BIRC6: variants seen among roughly 807,000 people sequenced by gnomAD.
BIRC6 encodes dual E2 ubiquitin-conjugating enzyme/E3 ubiquitin-protein ligase BIRC6.
A neutral mutation model predicts 503.3 loss-of-function variants in BIRC6; 98 were observed. The observed-to-expected ratio is 0.19, with a 90% CI of 0.17 to 0.23. The LOEUF (loss-of-function observed/expected upper bound fraction) is 0.23. Among genes scored for constraint, BIRC6 ranks in the 10% least tolerant of loss-of-function variants. The pLI, the probability that BIRC6 is intolerant of heterozygous loss-of-function variation, is 1.00. For missense variants in BIRC6, 5,360 were observed against 5,806.0 expected (o/e 0.92, Z 2.50); for synonymous variants, 2,240 against 2,078.7 (o/e 1.08, Z -2.11).
chr2:32,519,050 T>C (rs1163688303), intron 57 of BIRC6, 104 bp downstream of exon 57: 6 of 1,133,448 alleles, frequency 5.3e-6, no homozygotes, highest in African/African-American at 1.5e-5. Context: ...TTGCAACCAT[T>C]GATGACTAGG....
Position 32,531,417 on chromosome 2 carries a change from A to T in BIRC6, c.12157A>T (p.Met4053Leu). The T allele has an allele frequency of 6.2e-7, 1 of 1,613,904 alleles. No individual in the cohort carries two copies. The highest frequency in any genetic ancestry group is 8.5e-7 in the Non-Finnish European group (1 of 1,179,830). The change falls in exon 61 of 74, where the codon ATG becomes TTG. Residue 4053 changes from methionine to leucine, a missense_variant. Transcript: ENST00000421745. ...GGCTCTCACTCCAGGTGATGAATGC[A>T]TGGATGGGATACTGGATGAATCTTT... ...DEALTPGDEC[M>L]DGILDESLLE...
At chr2:32,431,976 A>G (rs1258303205) in intron 12 of BIRC6, among the ~76,000 whole-genome samples, 1 of 152,224 alleles carries the variant, frequency 6.6e-6, no homozygotes, top group African/African-American at 2.4e-5. Context: ...GGTATTTTCA[A>G]TATAAGGGAC....
chr2:32,375,911 C>T (rs1460571033), intron 1 of BIRC6, among the ~76,000 whole-genome samples: 1 of 152,018 alleles, frequency 6.6e-6, no homozygotes, highest in East Asian at 1.9e-4. Flanking sequence ...GATGGCCGGG[C>T]GCAGTGGCTC....
intron 61 of BIRC6, among the ~76,000 whole-genome samples, chr2:32,542,694 A>G (rs1315891391): frequency 1.3e-5 from 2 of 152,252 alleles, no homozygotes; most frequent in Admixed American, 6.5e-5. Flanking sequence ...GAATCTGCAT[A>G]TAGATACTTA....
chr2:32,554,287 G>GAA (rs2058636684), intron 65 of BIRC6, among the ~76,000 whole-genome samples: 1 of 152,114 alleles, frequency 6.6e-6, no homozygotes, highest in Non-Finnish European at 1.5e-5. Flanking sequence ...ATATGGGGAT[G>GAA]AATATTCTTT....
chr2:32,529,778 C>G lies in BIRC6; in HGVS notation c.12048C>G (p.Pro4016=). The change falls in exon 60 of 74, where the codon CCC becomes CCG. Residue 4016 remains proline, a synonymous_variant. Coordinates refer to ENST00000421745, the MANE Select transcript of BIRC6 (RefSeq NM_016252.4). ...VKLGSRVITD[P]SLSKTDSYKR... is the part of the protein sequence containing the mutation. ...TGGGATCAAGAGTTATAACAGACCC[C>G]AGTCTATCAAAAACAGATTCTTATA... is the stretch of plus-strand genomic sequence containing the variant. The G allele has an allele frequency of 6.2e-7, 1 of 1,612,982 alleles. No homozygotes were observed. Among genetic ancestry groups the G allele is most frequent in the Non-Finnish European group, 8.5e-7 (1 of 1,179,436 alleles).
chr2:32,545,581 T>C (rs888135065), intron 62 of BIRC6, 62 bp from the exon 63 acceptor site: 66 of 1,361,388 alleles, frequency 4.8e-5, no homozygotes, highest in Non-Finnish European at 6.6e-5. Context: ...TGACCCTGTA[T>C]GTAACTTCTT....
At position 32,549,298 on chromosome 2, in the gene BIRC6, T is replaced by G; in HGVS notation, c.12976-15T>G. The G allele has an allele frequency of 7.0e-7, 1 of 1,423,750 alleles. No homozygotes were observed. The highest frequency in any genetic ancestry group is 2.0e-4 in the Middle Eastern group (1 of 5,114). The allele number at this position is 1,423,750 out of a possible 1,614,324, so 88.2% of individuals were successfully genotyped here. ...ATGTGAAACTGAAATCCAAATTAAT[T>G]TCAACAATTTTTAGGTTCTTGCCAG... On this transcript the variant is annotated splice_polypyrimidine_tract_variant and intron_variant, in intron 64 of 73. Coordinates refer to ENST00000421745, the MANE Select transcript of BIRC6 (RefSeq NM_016252.4).
rs1039993839 is a variant in BIRC6 at position 32,391,181 on chromosome 2, T to C, written c.840-858T>C. The stretch of plus-strand genomic sequence containing the variant: ...TCAGTGCAAGCTGTGGTAAATGTTA[T>C]ATTTTAGGAAATGCAGCCATTAGAT... On this transcript the variant is annotated intron_variant, in intron 4 of 73. Coordinates refer to ENST00000421745, the MANE Select transcript of BIRC6 (RefSeq NM_016252.4). Among the ~76,000 whole-genome samples the C allele has an allele frequency of 2.0e-5, 3 of 152,258 alleles. No homozygotes were observed. The East Asian group carries it at 5.8e-4, about 29-fold the overall frequency.
chr2:32,451,067 C>A (rs1054403650), intron 22 of BIRC6, among the ~76,000 whole-genome samples: 1 of 152,156 alleles, frequency 6.6e-6, no homozygotes, highest in Non-Finnish European at 1.5e-5. Context: ...TCATCTTGAA[C>A]CCATACTACA....
intron 2 of BIRC6, 63 bp from the exon 3 acceptor site, chr2:32,380,085 GAATTT>G: frequency 8.8e-7 from 1 of 1,141,604 alleles, no homozygotes; most frequent in East Asian, 2.6e-5. Context: ...AAGAGGATCT[GAATTT>G]AATTTTTTGT....
chr2:32,533,654 A>G (rs1172369966), intron 61 of BIRC6, among the ~76,000 whole-genome samples: 9 of 152,216 alleles, frequency 5.9e-5, no homozygotes, highest in African/African-American at 2.2e-4. Context: ...TTAGGCATGT[A>G]ACTCATGGAT....
chr2:32,454,076 C>T (rs1301120705), intron 23 of BIRC6, 134 bp downstream of exon 23: 1 of 722,970 alleles, frequency 1.4e-6, no homozygotes, highest in Admixed American at 3.5e-5. Context: ...GTGGGAGGGG[C>T]ATTTGGGGGA....
At position 32,607,190 on chromosome 2, in the gene BIRC6, T is replaced by C. The variant is rs2062529824; in HGVS notation, c.14071-265T>C. ...GATTCTTCATATCTATTATTATTAT[T>C]ATCATCTATCTTCATATCTATTATT... On this transcript the variant is annotated intron_variant, in intron 71 of 73. Transcript: ENST00000421745. 1.3e-5 allele frequency among the ~76,000 whole-genome samples: 2 copies of C among 150,440 alleles called. 1 individual carries two copies. The highest frequency in any genetic ancestry group is 4.9e-5 in the African/African-American group (2 of 40,936).
In BIRC6 at chr2:32,500,053, G is replaced by T. The variant is rs2052965364; in HGVS notation, c.8975G>T (p.Ser2992Ile). 3 of 1,613,864 alleles carry T rather than the reference G, an allele frequency of 1.9e-6. No homozygotes were observed. The highest frequency in any genetic ancestry group is 2.5e-6 in the Non-Finnish European group (3 of 1,179,838). Residue 2992 changes from serine (S) to isoleucine (I), a missense_variant, in exon 46 of 74, where the codon AGC (serine) becomes ATC (isoleucine). Physicochemically the swap from Ser to Ile is moderately radical, Grantham distance 142 (BLOSUM62 -2). This residue lies in a region of BIRC6 where 2,299 missense variants were observed against 2,267.2 expected (regional missense o/e 1.01). Coordinates refer to ENST00000421745, the MANE Select transcript of BIRC6 (RefSeq NM_016252.4). Reference protein sequence around the residue: ...DLVLANQQIMSQILSALGLCN... With the variant: ...DLVLANQQIMIQILSALGLCN... ...GTCTTAGCCAACCAACAAATTATGA[G>T]CCAGATTTTGTCTGCTCTGGGCCTG...
In BIRC6 at chr2:32,480,621, C is replaced by CTTTTT. The variant is rs560251664; in HGVS notation, c.7409-666_7409-662dup. On this transcript the variant is annotated intron_variant, in intron 37 of 73. Coordinates refer to ENST00000421745, the MANE Select transcript of BIRC6 (RefSeq NM_016252.4). Reference sequence around the variant, plus strand: ...CATAACAGAAAAATAAGGTAAATGGCTTTTTTTTTTTTTTTTTTTTTTTTT... The same window carrying CTTTTT: ...CATAACAGAAAAATAAGGTAAATGGCTTTTTTTTTTTTTTTTTTTTTTTTTTTTTT... Among the ~76,000 whole-genome samples the CTTTTT allele has an allele frequency of 3.0e-4, 18 of 60,742 alleles. 3 individuals are homozygous for CTTTTT. The highest frequency in any genetic ancestry group is 1.2e-3 in the East Asian group (1 of 816). The allele number at this position is 60,742 out of a possible 152,430, so 39.8% of individuals were successfully genotyped here. A position where few individuals can be genotyped will look rare whatever the true frequency, so the allele number is the denominator to read the frequency against.
In BIRC6 at chr2:32,491,567, A is replaced by C. The variant is rs1180730136; in HGVS notation, c.8340+9A>C. On this transcript the variant is annotated intron_variant, in intron 44 of 73. Coordinates refer to ENST00000421745, the MANE Select transcript of BIRC6 (RefSeq NM_016252.4). ...ATCAACACAGTCCACAGGTAATATG[A>C]TGTTTAGCCTGGCATATGCCCAGAC... is the stretch of plus-strand genomic sequence containing the variant. The C allele has an allele frequency of 3.7e-6, 6 of 1,611,816 alleles. No individual in the cohort carries two copies. Among genetic ancestry groups the C allele is most frequent in the Non-Finnish European group, 4.2e-6 (5 of 1,179,126 alleles).
rs148593445 is a variant in BIRC6 at position 32,601,505 on chromosome 2, C to T, written c.13993-1501C>T. Among the ~76,000 whole-genome samples, 16 of 152,240 alleles carry T rather than the reference C, an allele frequency of 1.1e-4. No individual in the cohort carries two copies. In the East Asian group the frequency reaches 2.7e-3, roughly 26 times the overall value. ...CTGAGGCAGGAGAAGTGCTTGAACC[C>T]GGGAGGCGGAGGTTGCGGTGAGCCC... On this transcript the variant is annotated intron_variant, in intron 70 of 73. Coordinates refer to ENST00000421745, the MANE Select transcript of BIRC6 (RefSeq NM_016252.4).
chr2:32,579,104 G>A (rs187174645), intron 66 of BIRC6, among the ~76,000 whole-genome samples: 222 of 148,038 alleles, frequency 1.5e-3, no homozygotes, highest in Non-Finnish European at 2.8e-3. Flanking sequence ...GATTCATTGT[G>A]TATTCTGCAG....
Sources: gnomAD v4.1 joint callset for allele counts (sites outside exome capture counted in the v4.1 genomes callset) on GRCh38, gnomAD v4.1.1 for gene constraint, gnomAD v4.1.1 regional missense constraint, MANE v1.5 for transcripts, NCBI Gene and HGNC (gene_info 2026-07-23, HGNC 2026-07-21) for gene names.